TOX4: variants seen among roughly 807,000 people sequenced by gnomAD.
TOX4 encodes the protein TOX high mobility group box family member 4.
A neutral mutation model predicts 61.0 loss-of-function variants in TOX4; 12 were observed. The observed-to-expected ratio is 0.20, with a 90% CI of 0.13 to 0.32. The LOEUF (loss-of-function observed/expected upper bound fraction) is 0.32. Among genes scored for constraint, TOX4 ranks in the 10% least tolerant of loss-of-function variants. The probability of loss-of-function intolerance (pLI) is 1.00; values close to 1 mark genes in which losing one functional copy is unlikely to be tolerated. For missense variants in TOX4, 499 were observed against 753.3 expected, an observed-to-expected ratio of 0.66 and a Z score of 3.95; for synonymous variants, 268 against 274.8, an observed-to-expected ratio of 0.98 and a Z score of 0.24.
chr14:21,484,187 T>C (rs1891156896), intron 2 of TOX4, among the ~76,000 whole-genome samples: 1 of 152,090 alleles, frequency 6.6e-6, no homozygotes, highest in Admixed American at 6.6e-5. Flanking sequence ...CCAAGTAAAA[T>C]AGTAAGGAGA....
chr14:21,487,403 C>T (rs1891206370), intron 2 of TOX4, 48 bp from the exon 3 acceptor site: 5 of 1,595,036 alleles, frequency 3.1e-6, no homozygotes, highest in Admixed American at 1.7e-5. Context: ...AGTAGTATGC[C>T]ATTTCTCCTC....
intron 2 of TOX4, 82 bp downstream of exon 2, chr14:21,477,646 C>G: frequency 4.0e-6 from 6 of 1,493,892 alleles, no homozygotes; most frequent in Non-Finnish European, 5.5e-6. Flanking sequence ...GCACGGACTC[C>G]GGGGACGGGG....
At chr14:21,478,907 G>A (rs1431347951) in intron 2 of TOX4, among the ~76,000 whole-genome samples, 1 of 151,390 alleles carries the variant, frequency 6.6e-6, no homozygotes, top group Non-Finnish European at 1.5e-5. Flanking sequence ...GGGCTCAAGT[G>A]ATTCTCCTGC....
chr14:21,481,085 C>T (rs1399070115), intron 2 of TOX4, among the ~76,000 whole-genome samples: 3 of 151,926 alleles, frequency 2.0e-5, no homozygotes, highest in Admixed American at 6.6e-5. Context: ...AGAGAAACTC[C>T]GTCTCAAAAA....
chr14:21,491,356 G>C (rs974568850), intron 5 of TOX4, among the ~76,000 whole-genome samples: 16 of 151,818 alleles, frequency 1.1e-4, no homozygotes, highest in Admixed American at 1.1e-3. Context: ...GGTTTATTTT[G>C]TATTTATTTA....
chr14:21,492,551 A>G lies in TOX4; in HGVS notation c.935A>G (p.Gln312Arg). 6.2e-7 allele frequency: 1 copy of G among 1,613,956 alleles called. No homozygotes were observed. Among genetic ancestry groups the G allele is most frequent in the Non-Finnish European group, 8.5e-7 (1 of 1,179,986 alleles). ...GAATTGGATCCAGCACCACCATCACAAACTCCTTCTCCACCTCCTATGGCT... is the reference window on the plus strand; with the variant it reads ...GAATTGGATCCAGCACCACCATCACGAACTCCTTCTCCACCTCCTATGGCT... ...TVELDPAPPS[Q>R]TPSPPPMATV... The change falls in exon 7 of 9, where the codon CAA becomes CGA. Residue 312 changes from glutamine (Q) to arginine (R), a missense_variant. Around this residue, in one of 7 missense-constraint regions of TOX4, gnomAD observed 296 missense variants for 404.7 expected, o/e 0.73. Coordinates refer to ENST00000448790, the MANE Select transcript of TOX4 (RefSeq NM_014828.4).
chr14:21,496,250 G>A (rs1001924169), intron 8 of TOX4: 13 of 202,632 alleles, frequency 6.4e-5, no homozygotes, highest in South Asian at 4.0e-4. Flanking sequence ...TGTAGCGGCC[G>A]GGCGCGGTGG....
chr14:21,492,651 C>T lies in TOX4; in HGVS notation c.1035C>T (p.Ser345=), dbSNP rs145386690. 6.1e-5 allele frequency: 99 copies of T among 1,613,866 alleles called. No individual in the cohort carries two copies. In the Middle Eastern group the frequency reaches 2.7e-3, roughly 44 times the overall value. ...TGTCCCCATCCATTGTTGTTAACTC[C>T]ACCCTTTCATCCTATGTGGCAAACC... ...PALSPSIVVN[S]TLSSYVANQA... is the part of the protein sequence containing the mutation. The change falls in exon 7 of 9, where the codon TCC becomes TCT. Residue 345 remains serine, a synonymous_variant. Transcript: ENST00000448790.
At chr14:21,477,864 T>G (rs771594936) in intron 2 of TOX4, among the ~76,000 whole-genome samples, 6 of 152,182 alleles carry the variant, frequency 3.9e-5, no homozygotes, top group Non-Finnish European at 8.8e-5. Flanking sequence ...ATAGCTACAG[T>G]AATCTTAGGG....
chr14:21,478,129 A>T (rs73581422), intron 2 of TOX4, among the ~76,000 whole-genome samples: 1 of 152,144 alleles, frequency 6.6e-6, no homozygotes, highest in Non-Finnish European at 1.5e-5. Context: ...TAGAGATGGC[A>T]GTTTCACCAT....
intron 2 of TOX4, among the ~76,000 whole-genome samples, chr14:21,478,810 C>T (rs571660020): frequency 4.6e-5 from 7 of 150,652 alleles, no homozygotes; most frequent in South Asian, 2.1e-4. Flanking sequence ...CTTTTTTTTT[C>T]TTTCTTTTTT....
At position 21,493,278 on chromosome 14, in the gene TOX4, C is replaced by T. The variant is rs555385632; in HGVS notation, c.1641+21C>T. ...CTGAGGTGAGCCTTTGTTTTTAAGT[C>T]TTTAGTCTAGTGGAAATGTATAAAA... On this transcript the variant is annotated intron_variant, in intron 7 of 8. Transcript: ENST00000448790. 5.1e-6 allele frequency: 8 copies of T among 1,578,260 alleles called. No individual in the cohort carries two copies. The South Asian group carries it at 9.3e-5, about 18-fold the overall frequency.
intron 5 of TOX4, among the ~76,000 whole-genome samples, chr14:21,490,855 C>T (rs550046840): frequency 6.6e-6 from 1 of 152,188 alleles, no homozygotes; most frequent in Non-Finnish European, 1.5e-5. Context: ...GATGGAATTT[C>T]GCTCCTGTTA....
rs1200228478 is a variant in TOX4 at position 21,492,679 on chromosome 14, G to T, written c.1063G>T (p.Ala355Ser). Residue 355 changes from alanine (A) to serine (S), a missense_variant, in exon 7 of 9, where the codon GCA becomes TCA. Transcript: ENST00000448790. ...CCTTTCATCCTATGTGGCAAACCAGGCATCTTCTGGAGCTGGGGGTCAGCC... is the reference window on the plus strand; with the variant it reads ...CCTTTCATCCTATGTGGCAAACCAGTCATCTTCTGGAGCTGGGGGTCAGCC... ...STLSSYVANQ[A>S]SSGAGGQPNI... 1.9e-6 allele frequency: 3 copies of T among 1,613,924 alleles called. No individual in the cohort carries two copies. Among genetic ancestry groups the T allele is most frequent in the African/African-American group, 1.3e-5 (1 of 74,986 alleles).
intron 2 of TOX4, among the ~76,000 whole-genome samples, chr14:21,479,505 G>A (rs1425511039): frequency 1.3e-5 from 2 of 151,778 alleles, no homozygotes; most frequent in African/African-American, 2.4e-5. Flanking sequence ...AAAATTAGCC[G>A]GGTGTGGTGG....
In TOX4 at chr14:21,496,733, C is replaced by T; in HGVS notation, c.*127C>T. 1.3e-6 allele frequency: 1 copy of T among 787,914 alleles called. No homozygotes were observed. Among genetic ancestry groups the T allele is most frequent in the Non-Finnish European group, 2.1e-6 (1 of 480,944 alleles). 48.8% of individuals were successfully genotyped at this position (787,914 alleles called of 1,614,324 possible). A position where few individuals can be genotyped will look rare whatever the true frequency, so the allele number is the denominator to read the frequency against. On this transcript the variant is annotated 3_prime_UTR_variant, in exon 9 of 9. Coordinates refer to ENST00000448790, the MANE Select transcript of TOX4 (RefSeq NM_014828.4). ...ACCCATGATGGCTGTTCATGTTTCA[C>T]CCCTTTTCTTCCTTCAGCAGAGGCC...
chr14:21,479,474 C>T (rs12889546), intron 2 of TOX4, among the ~76,000 whole-genome samples: 1 of 151,398 alleles, frequency 6.6e-6, no homozygotes, highest in Non-Finnish European at 1.5e-5. Flanking sequence ...CATGTGAAAC[C>T]CCATCTCTAC....
At chr14:21,484,547 G>T (rs1366820280) in intron 2 of TOX4, among the ~76,000 whole-genome samples, 1 of 99,746 alleles carries the variant, frequency 1.0e-5, no homozygotes, top group African/African-American at 3.8e-5. Flanking sequence ...ATGGATTTTC[G>T]CCATGTTGGC....
chr14:21,492,912 T>A lies in TOX4; in HGVS notation c.1296T>A (p.Ala432=). The change falls in exon 7 of 9, where the codon GCT becomes GCA. Residue 432 remains alanine, a synonymous_variant. Transcript: ENST00000448790. ...SVLQAAAAAA[A]AASMQLPPPR... is the part of the protein sequence containing the mutation. ...TGCAGGCAGCAGCAGCTGCTGCTGC[T>A]GCTGCTTCTATGCAACTGCCTCCAC... 2 of 1,608,292 alleles carry A rather than the reference T, an allele frequency of 1.2e-6. No individual in the cohort carries two copies. Among genetic ancestry groups the A allele is most frequent in the South Asian group, 2.2e-5 (2 of 90,564 alleles).
Sources: allele counts gnomAD v4.1 joint callset (sites outside exome capture counted in the v4.1 genomes callset), GRCh38; gene constraint gnomAD v4.1.1; regional missense constraint gnomAD v4.1.1; transcripts MANE v1.5; gene names NCBI Gene and HGNC (gene_info 2026-07-23, HGNC 2026-07-21).